The following TP53INP2 variants were observed in gnomAD, a reference collection of about 807,000 sequenced individuals.
TP53INP2 encodes the protein tumor protein p53 inducible nuclear protein 2.
Under a neutral mutation model 17.1 loss-of-function variants are expected in TP53INP2, and 12 were observed. The ratio of observed to expected loss-of-function variants is 0.70; its 90% CI spans 0.45 to 1.14. The LOEUF (loss-of-function observed/expected upper bound fraction) is 1.14. Among genes scored for constraint, TP53INP2 ranks in the 50% most tolerant of loss-of-function variants. The pLI is 0.00. For missense variants in TP53INP2, 342 were observed against 330.9 expected (o/e 1.03, Z -0.26); for synonymous variants, 145 against 147.3 (o/e 0.98, Z 0.12).
Position 34,709,327 on chromosome 20 carries a change from T to A in TP53INP2, c.216T>A (p.Phe72Leu). ...PAPSLMDESW[F>L]VTPPACFTAE... ...CCTCCTTGATGGACGAGAGCTGGTTTGTTACCCCTCCCGCCTGTTTTACGG... is the reference window on the plus strand; with the variant it reads ...CCTCCTTGATGGACGAGAGCTGGTTAGTTACCCCTCCCGCCTGTTTTACGG... Residue 72 changes from phenylalanine to leucine, a missense_variant, in exon 4 of 5, where the codon TTT becomes TTA. By Grantham distance (22) the Phe-to-Leu change is conservative. Coordinates refer to ENST00000374810, the MANE Select transcript of TP53INP2 (RefSeq NM_021202.3). The surrounding 1 kb of genome is among the most constrained non-coding windows in gnomAD (Gnocchi z 5.4). 6.2e-7 allele frequency: 1 copy of A among 1,613,270 alleles called. No homozygotes were observed. The highest frequency in any genetic ancestry group is 8.5e-7 in the Non-Finnish European group (1 of 1,179,726).
At position 34,709,588 on chromosome 20, in the gene TP53INP2, G is replaced by A. The variant is rs994256789; in HGVS notation, c.413+64G>A. ...ACGGATCTTGGAGGCCAGGGTCCAGGCTAGGAGGCTGGGGTAGTGGGGCCA... is the reference window on the plus strand; with the variant it reads ...ACGGATCTTGGAGGCCAGGGTCCAGACTAGGAGGCTGGGGTAGTGGGGCCA... On this transcript the variant is annotated intron_variant, in intron 4 of 4. Coordinates refer to ENST00000374810, the MANE Select transcript of TP53INP2 (RefSeq NM_021202.3). The surrounding 1 kb of genome is among the most constrained non-coding windows in gnomAD (Gnocchi z 5.4). The A allele has an allele frequency of 2.6e-6, 4 of 1,514,452 alleles. No homozygotes were observed. Among genetic ancestry groups the A allele is most frequent in the Non-Finnish European group, 3.5e-6 (4 of 1,138,870 alleles). 93.8% of individuals were successfully genotyped at this position (1,514,452 alleles called of 1,614,324 possible). A position where few individuals can be genotyped will look rare whatever the true frequency, so the allele number is the denominator to read the frequency against.
At position 34,709,936 on chromosome 20, in the gene TP53INP2, G is replaced by T. The variant is rs1876958976; in HGVS notation, c.414-122G>T. ...CCGGGTTGGTACCCACAAGAAGGGC[G>T]TCGGGCACCCCAATCTGAACAGACA... On this transcript the variant is annotated intron_variant, in intron 4 of 4. Transcript: ENST00000374810. This position sits in a 1 kb window ranked among gnomAD's most constrained non-coding sequence, Gnocchi z 5.4. 6 of 1,195,220 alleles carry T rather than the reference G, an allele frequency of 5.0e-6. No individual in the cohort carries two copies. The highest frequency in any genetic ancestry group is 6.5e-6 in the Non-Finnish European group (6 of 925,460). The allele number at this position is 1,195,220 out of a possible 1,614,324, so 74.0% of individuals were successfully genotyped here. A position where few individuals can be genotyped will look rare whatever the true frequency, so the allele number is the denominator to read the frequency against.
chr20:34,712,748 T>C lies in TP53INP2; in HGVS notation c.*2441T>C, dbSNP rs777630871. 3 of 152,582 alleles carry C rather than the reference T, an allele frequency of 2.0e-5. No homozygotes were observed. The highest frequency in any genetic ancestry group is 4.4e-5 in the Non-Finnish European group (3 of 68,038). 9.5% of individuals were successfully genotyped at this position (152,582 alleles called of 1,614,324 possible). On this transcript the variant is annotated 3_prime_UTR_variant, in exon 5 of 5. Transcript: ENST00000374810. Reference sequence around the variant, plus strand: ...GAGGGGGTTAGAGAGTCTGTTTTGATTGATGTTTTCTGAGGCCCTAGAGGA... The same window carrying C: ...GAGGGGGTTAGAGAGTCTGTTTTGACTGATGTTTTCTGAGGCCCTAGAGGA...
At chr20:34,708,555 C>T (rs1237864761) in intron 2 of TP53INP2, 136 bp from the exon 3 acceptor site, 10 of 496,212 alleles carry the variant, frequency 2.0e-5, no homozygotes, top group Non-Finnish European at 3.2e-5. Context: ...GCACATCTTC[C>T]CAAAGCGTCC....
rs369052205 is a variant in TP53INP2 at position 34,710,006 on chromosome 20, G to GCT, written c.414-52_414-51insCT. On this transcript the variant is annotated intron_variant, in intron 4 of 4. Coordinates refer to ENST00000374810, the MANE Select transcript of TP53INP2 (RefSeq NM_021202.3). The surrounding 1 kb of genome is among the most constrained non-coding windows in gnomAD (Gnocchi z 4.9). The stretch of plus-strand genomic sequence containing the variant: ...GGGTGGGAGATGGCAGCGCCCTCTA[G>GCT]ACCCCCCGCCCAGCTTACCCGGCTT... 1.5e-5 allele frequency: 19 copies of GCT among 1,244,804 alleles called. No individual in the cohort carries two copies. Among genetic ancestry groups the GCT allele is most frequent in the Non-Finnish European group, 1.8e-5 (18 of 985,532 alleles). 77.1% of individuals were successfully genotyped at this position (1,244,804 alleles called of 1,614,324 possible). A position where few individuals can be genotyped will look rare whatever the true frequency, so the allele number is the denominator to read the frequency against.
chr20:34,708,057 G>A (rs977484508), intron 2 of TP53INP2, among the ~76,000 whole-genome samples: 4 of 152,106 alleles, frequency 2.6e-5, no homozygotes, highest in African/African-American at 7.2e-5. Context: ...CACTGTGCCC[G>A]GCCTAGCTAT....
chr20:34,710,071 G>C lies in TP53INP2; in HGVS notation c.427G>C (p.Ala143Pro), dbSNP rs773459655. Residue 143 changes from alanine (A) to proline (P), a missense_variant, in exon 5 of 5, where the codon GCC becomes CCC. Coordinates refer to ENST00000374810, the MANE Select transcript of TP53INP2 (RefSeq NM_021202.3). The surrounding 1 kb of genome is among the most constrained non-coding windows in gnomAD (Gnocchi z 4.9). The stretch of plus-strand genomic sequence containing the variant: ...CTGTCCTCACAGGGAATTGACGCCC[G>C]CCCGCCGCGAGCCGCGGGCCGCGCG... ...GDLSEGELTP[A>P]RREPRAARHA... 1 of 1,249,474 alleles carries C rather than the reference G, an allele frequency of 8.0e-7. No homozygotes were observed. The highest frequency in any genetic ancestry group is 3.0e-5 in the South Asian group (1 of 33,240). 77.4% of individuals were successfully genotyped at this position (1,249,474 alleles called of 1,614,324 possible).
chr20:34,705,676 A>G (rs1203830563), intron 2 of TP53INP2, among the ~76,000 whole-genome samples: 1 of 152,034 alleles, frequency 6.6e-6, no homozygotes, highest in East Asian at 1.9e-4. Context: ...AGGAGAAGGG[A>G]TAGGATAAGG....
Position 34,713,181 on chromosome 20 carries a change from GCCA to G in TP53INP2, c.*2877_*2879del, listed in dbSNP as rs1369669617. The G allele has an allele frequency of 6.6e-6, 1 of 152,622 alleles. No individual in the cohort carries two copies. The highest frequency in any genetic ancestry group is 1.5e-5 in the Non-Finnish European group (1 of 68,066). The allele number at this position is 152,622 out of a possible 1,614,324, so 9.5% of individuals were successfully genotyped here. On this transcript the variant is annotated 3_prime_UTR_variant, in exon 5 of 5. Transcript: ENST00000374810. ...CTTCTACTACTTTCCCTCTCGCCCT[GCCA>G]CCTAGTTCCACATGGAACCAACAAG...
At position 34,709,095 on chromosome 20, in the gene TP53INP2, C is replaced by A. The variant is rs1026743496; in HGVS notation, c.125-141C>A. On this transcript the variant is annotated intron_variant, in intron 3 of 4. Coordinates refer to ENST00000374810, the MANE Select transcript of TP53INP2 (RefSeq NM_021202.3). This position sits in a 1 kb window ranked among gnomAD's most constrained non-coding sequence, Gnocchi z 5.4. ...CGAGACGCCTGGCCCGTGGGTGCCC[C>A]GGGGCGCTGCGGACGGGCTGCGGGT... The A allele has an allele frequency of 7.0e-7, 1 of 1,434,248 alleles. No individual in the cohort carries two copies. The highest frequency in any genetic ancestry group is 9.1e-7 in the Non-Finnish European group (1 of 1,096,656). 88.8% of individuals were successfully genotyped at this position (1,434,248 alleles called of 1,614,324 possible). A position where few individuals can be genotyped will look rare whatever the true frequency, so the allele number is the denominator to read the frequency against.
Position 34,709,367 on chromosome 20 carries a change from C to G in TP53INP2, c.256C>G (p.Leu86Val). The G allele has an allele frequency of 6.2e-7, 1 of 1,613,728 alleles. No homozygotes were observed. Among genetic ancestry groups the G allele is most frequent in the Non-Finnish European group, 8.5e-7 (1 of 1,179,846 alleles). Residue 86 changes from leucine to valine, a missense_variant, in exon 4 of 5, where the codon CTC (leucine) becomes GTC (valine). Leu to Val is a conservative substitution (Grantham distance 32). Coordinates refer to ENST00000374810, the MANE Select transcript of TP53INP2 (RefSeq NM_021202.3). The surrounding 1 kb of genome is among the most constrained non-coding windows in gnomAD (Gnocchi z 5.4). ...CTGTTTTACGGCAGAGGGGCCTGGA[C>G]TCGGTCCCGCCCGCCTCCAGAGCAG... ...PACFTAEGPG[L>V]GPARLQSSPL...
Position 34,710,081 on chromosome 20 carries a change from A to G in TP53INP2, c.437A>G (p.Glu146Gly). 2 of 1,276,384 alleles carry G rather than the reference A, an allele frequency of 1.6e-6. No individual in the cohort carries two copies. Among genetic ancestry groups the G allele is most frequent in the Non-Finnish European group, 2.0e-6 (2 of 1,015,284 alleles). The allele number at this position is 1,276,384 out of a possible 1,614,324, so 79.1% of individuals were successfully genotyped here. ...AGGGAATTGACGCCCGCCCGCCGCG[A>G]GCCGCGGGCCGCGCGCCACGCCGCT... The part of the protein sequence containing the change: ...SEGELTPARR[E>G]PRAARHAAPL... The change falls in exon 5 of 5, where the codon GAG becomes GGG. Residue 146 changes from glutamate (E) to glycine (G), a missense_variant. Glu to Gly is a moderately conservative substitution (Grantham distance 98). Transcript: ENST00000374810. This position sits in a 1 kb window ranked among gnomAD's most constrained non-coding sequence, Gnocchi z 4.9.
chr20:34,709,192 C>CT lies in TP53INP2; in HGVS notation c.125-44_125-43insT, dbSNP rs1407894871. The stretch of plus-strand genomic sequence containing the variant: ...GTGTGTGTGTGTGTGTGTGCCTCCT[C>CT]GCTGCTCCCCTCCTCTGCACGGCTC... On this transcript the variant is annotated intron_variant, in intron 3 of 4. Coordinates refer to ENST00000374810, the MANE Select transcript of TP53INP2 (RefSeq NM_021202.3). This position sits in a 1 kb window ranked among gnomAD's most constrained non-coding sequence, Gnocchi z 5.4. 15 of 1,506,286 alleles carry CT rather than the reference C, an allele frequency of 1.0e-5. No homozygotes were observed. Among genetic ancestry groups the CT allele is most frequent in the African/African-American group, 5.6e-5 (4 of 71,788 alleles). 93.3% of individuals were successfully genotyped at this position (1,506,286 alleles called of 1,614,324 possible).
Position 34,711,998 on chromosome 20 carries a change from TGGG to T in TP53INP2, c.*1695_*1697del, listed in dbSNP as rs1306403118. 6.6e-6 allele frequency: 1 copy of T among 152,306 alleles called. No homozygotes were observed. Among genetic ancestry groups the T allele is most frequent in the African/African-American group, 2.4e-5 (1 of 41,372 alleles). 9.4% of individuals were successfully genotyped at this position (152,306 alleles called of 1,614,324 possible). On this transcript the variant is annotated 3_prime_UTR_variant, in exon 5 of 5. Transcript: ENST00000374810. The surrounding 1 kb of genome is among the most constrained non-coding windows in gnomAD (Gnocchi z 4.1). ...CCTGACCCTATAGCCCCAGGCCTCA[TGGG>T]GGGTATGTGGGGAAGGGATGGGGTA...
At chr20:34,707,500 A>G (rs1381163227) in intron 2 of TP53INP2, among the ~76,000 whole-genome samples, 1 of 152,204 alleles carries the variant, frequency 6.6e-6, no homozygotes, top group East Asian at 1.9e-4. Context: ...AAAAATACAC[A>G]TGGACCATGA....
At position 34,709,622 on chromosome 20, in the gene TP53INP2, C is replaced by T. The variant is rs1988114895; in HGVS notation, c.413+98C>T. 7 of 1,452,988 alleles carry T rather than the reference C, an allele frequency of 4.8e-6. No individual in the cohort carries two copies. The East Asian group carries it at 1.7e-4, about 36-fold the overall frequency. 90.0% of individuals were successfully genotyped at this position (1,452,988 alleles called of 1,614,324 possible). ...CTGGGGTAGTGGGGCCAGGAGCCCGCCCCGCGCTCGAGGGGGTAGCGGCCT... is the reference window on the plus strand; with the variant it reads ...CTGGGGTAGTGGGGCCAGGAGCCCGTCCCGCGCTCGAGGGGGTAGCGGCCT... On this transcript the variant is annotated intron_variant, in intron 4 of 4. Coordinates refer to ENST00000374810, the MANE Select transcript of TP53INP2 (RefSeq NM_021202.3). This position sits in a 1 kb window ranked among gnomAD's most constrained non-coding sequence, Gnocchi z 5.4.
rs1218591447 is a variant in TP53INP2, at chr20:34,710,072, C to G, written c.428C>G (p.Ala143Gly). ...TGTCCTCACAGGGAATTGACGCCCGCCCGCCGCGAGCCGCGGGCCGCGCGC... is the reference window on the plus strand; with the variant it reads ...TGTCCTCACAGGGAATTGACGCCCGGCCGCCGCGAGCCGCGGGCCGCGCGC... ...GDLSEGELTP[A>G]RREPRAARHA... Residue 143 changes from alanine to glycine, a missense_variant, in exon 5 of 5, where the codon GCC becomes GGC. Transcript: ENST00000374810. This position sits in a 1 kb window ranked among gnomAD's most constrained non-coding sequence, Gnocchi z 4.9. The G allele has an allele frequency of 1.6e-6, 2 of 1,268,746 alleles. No homozygotes were observed. The highest frequency in any genetic ancestry group is 1.6e-5 in the African/African-American group (1 of 64,232). The allele number at this position is 1,268,746 out of a possible 1,614,324, so 78.6% of individuals were successfully genotyped here.
In TP53INP2 at chr20:34,704,430, CCCGGCCTGTGAGCGG is replaced by C. The variant is rs1310665042; in HGVS notation, c.-243_-229del. The C allele has an allele frequency of 6.6e-6, 1 of 152,080 alleles. No homozygotes were observed. Among genetic ancestry groups the C allele is most frequent in the Non-Finnish European group, 1.5e-5 (1 of 68,042 alleles). The allele number at this position is 152,080 out of a possible 1,614,324, so 9.4% of individuals were successfully genotyped here. A position where few individuals can be genotyped will look rare whatever the true frequency, so the allele number is the denominator to read the frequency against. On this transcript the variant is annotated 5_prime_UTR_variant, in exon 1 of 5. It removes the in-frame stop codon of an upstream open reading frame in the 5' UTR. Coordinates refer to ENST00000374810, the MANE Select transcript of TP53INP2 (RefSeq NM_021202.3). ...TCCCCCGCGAGTCCCGGCGATGCGG[CCCGGCCTGTGAGCGG>C]CCGGCGACCCTGGGACGCCCCGCCG... is the stretch of plus-strand genomic sequence containing the variant.
rs1555807592 is a variant in TP53INP2, at chr20:34,710,008, C to CA, written c.414-50_414-49insA. The CA allele has an allele frequency of 1.1e-5, 14 of 1,265,822 alleles. No homozygotes were observed. Among genetic ancestry groups the CA allele is most frequent in the African/African-American group, 7.8e-5 (5 of 64,186 alleles). 78.4% of individuals were successfully genotyped at this position (1,265,822 alleles called of 1,614,324 possible). On this transcript the variant is annotated intron_variant, in intron 4 of 4. Coordinates refer to ENST00000374810, the MANE Select transcript of TP53INP2 (RefSeq NM_021202.3). The surrounding 1 kb of genome is among the most constrained non-coding windows in gnomAD (Gnocchi z 4.9). The stretch of plus-strand genomic sequence containing the variant: ...GTGGGAGATGGCAGCGCCCTCTAGA[C>CA]CCCCCGCCCAGCTTACCCGGCTTGA...
Sources: gnomAD v4.1 joint callset for allele counts (sites outside exome capture counted in the v4.1 genomes callset) on GRCh38, gnomAD v4.1.1 for gene constraint, Gnocchi (gnomAD v3.1) non-coding constraint, MANE v1.5 for transcripts, NCBI Gene and HGNC (gene_info 2026-07-23, HGNC 2026-07-21) for gene names.